GRIK1: variants seen among roughly 807,000 people sequenced by gnomAD.
The protein encoded by GRIK1 is glutamate ionotropic receptor kainate type subunit 1, also known as glutamate receptor ionotropic, kainate 1.
GRIK1 carries 69 observed loss-of-function variants against 105.7 expected under a neutral mutation model. That is an observed-to-expected ratio of 0.65 (90% confidence interval 0.54 to 0.80). The LOEUF (loss-of-function observed/expected upper bound fraction) is 0.80. Among genes scored for constraint, GRIK1 ranks in the 30% least tolerant of loss-of-function variants. The pLI, the probability that GRIK1 is intolerant of heterozygous loss-of-function variation, is 0.00. For missense variants in GRIK1, 1,109 were observed against 1,167.3 expected, an observed-to-expected ratio of 0.95 and a Z score of 0.73; for synonymous variants, 438 against 431.3, an observed-to-expected ratio of 1.02 and a Z score of -0.19.
chr21:29,726,909 T>G (rs2146881196), intron 1 of GRIK1, among the ~76,000 whole-genome samples: 1 of 151,574 alleles, frequency 6.6e-6, no homozygotes, highest in South Asian at 2.1e-4. Context: ...GGTCAATTTT[T>G]ATATTTATTT....
At chr21:29,861,633 C>T (rs753572995) in intron 1 of GRIK1, 8 of 441,620 alleles carry the variant, frequency 1.8e-5, no homozygotes, top group Admixed American at 1.5e-4. Context: ...AAACTCATTC[C>T]CTTCTTTTCC....
At chr21:29,670,639 A>G (rs1433850565) in intron 4 of GRIK1, among the ~76,000 whole-genome samples, 2 of 152,316 alleles carry the variant, frequency 1.3e-5, no homozygotes, top group East Asian at 3.9e-4. Context: ...TCAGCAAATC[A>G]TTCTCTTAAA....
intron 14 of GRIK1, among the ~76,000 whole-genome samples, chr21:29,572,832 G>A (rs2090785280): frequency 6.6e-6 from 1 of 151,890 alleles, no homozygotes; most frequent in Admixed American, 6.6e-5. Context: ...ATGCAATGGT[G>A]CGATCTCGGC....
At chr21:29,734,156 G>A (rs1012964196) in intron 1 of GRIK1, among the ~76,000 whole-genome samples, 4 of 151,936 alleles carry the variant, frequency 2.6e-5, no homozygotes, top group Non-Finnish European at 5.9e-5. Context: ...AATCTGAAGA[G>A]GCTTATAAAT....
chr21:29,750,974 G>A (rs1430020987), intron 1 of GRIK1, among the ~76,000 whole-genome samples: 1 of 152,156 alleles, frequency 6.6e-6, no homozygotes, highest in Non-Finnish European at 1.5e-5. Context: ...TAAGATTTGG[G>A]TGGATAGTGG....
chr21:29,758,445 G>T (rs1362351498), intron 1 of GRIK1, among the ~76,000 whole-genome samples: 1 of 152,118 alleles, frequency 6.6e-6, no homozygotes, highest in East Asian at 1.9e-4. Context: ...CAGCTCTTAT[G>T]AGACTTACTA....
chr21:29,562,998 T>C (rs892925686), intron 14 of GRIK1, among the ~76,000 whole-genome samples: 1 of 152,210 alleles, frequency 6.6e-6, no homozygotes, highest in African/African-American at 2.4e-5. Context: ...GTAATTTCCA[T>C]ACAGTTCCAA....
At chr21:29,864,456 A>G (rs1048488691) in intron 1 of GRIK1, among the ~76,000 whole-genome samples, 1 of 152,020 alleles carries the variant, frequency 6.6e-6, no homozygotes, top group Non-Finnish European at 1.5e-5. Context: ...TTTCCGTTTT[A>G]TTTGAATTTG....
chr21:29,689,591 A>G, intron 3 of GRIK1, 137 bp downstream of exon 3: 2 of 731,122 alleles, frequency 2.7e-6, no homozygotes, highest in Non-Finnish European at 4.8e-6. Flanking sequence ...TTATTAAATT[A>G]CTTCAGAATA....
At chr21:29,868,943 G>T (rs1199828375) in intron 1 of GRIK1, among the ~76,000 whole-genome samples, 1 of 152,256 alleles carries the variant, frequency 6.6e-6, no homozygotes, top group Admixed American at 6.5e-5. Flanking sequence ...GGTTTCCATG[G>T]TAAGTCCATA....
intron 1 of GRIK1, among the ~76,000 whole-genome samples, chr21:29,824,824 G>A (rs1276910376): frequency 1.3e-5 from 2 of 151,920 alleles, no homozygotes; most frequent in African/African-American, 2.4e-5. Context: ...ACAGCCGGTC[G>A]ACTTTAACAG....
chr21:29,738,128 G>T (rs111280967), intron 1 of GRIK1, among the ~76,000 whole-genome samples: 1 of 152,352 alleles, frequency 6.6e-6, no homozygotes, highest in South Asian at 2.1e-4. Context: ...ATGGAAGTGC[G>T]TTGCACTGGG....
chr21:29,906,379 T>C (rs1488085581), intron 1 of GRIK1, among the ~76,000 whole-genome samples: 2 of 152,304 alleles, frequency 1.3e-5, no homozygotes, highest in Admixed American at 6.5e-5. Flanking sequence ...AGGTACAATC[T>C]AAGAAACTTC....
intron 3 of GRIK1, among the ~76,000 whole-genome samples, chr21:29,687,865 A>T (rs1361372701): frequency 6.6e-6 from 1 of 152,198 alleles, no homozygotes; most frequent in Non-Finnish European, 1.5e-5. Context: ...ACGAGTTTCA[A>T]TATTATTCAT....
At chr21:29,775,064 A>G (rs1247437847) in intron 1 of GRIK1, among the ~76,000 whole-genome samples, 1 of 152,004 alleles carries the variant, frequency 6.6e-6, no homozygotes, top group Non-Finnish European at 1.5e-5. Flanking sequence ...CACGCCTGTA[A>G]TCCCAGCACT....
chr21:29,694,618 A>G lies in GRIK1; in HGVS notation c.119-555T>C, dbSNP rs186154592. ...CTGTATACCATCTCTCAGATGGCAA[A>G]TGTGTTCCAAACATTTAGTGGTATA... On this transcript the variant is annotated intron_variant, in intron 1 of 17. Coordinates refer to ENST00000327783, the MANE Select transcript of GRIK1 (RefSeq NM_001330994.2). Among the ~76,000 whole-genome samples, 209 of 152,312 alleles carry G rather than the reference A, an allele frequency of 1.4e-3. 2 individuals are homozygous for G. Among genetic ancestry groups the G allele is most frequent in the Non-Finnish European group, 3.1e-4 (21 of 68,030 alleles).
At chr21:29,579,600 G>C (rs954899101) in intron 13 of GRIK1, among the ~76,000 whole-genome samples, 4 of 152,102 alleles carry the variant, frequency 2.6e-5, no homozygotes, top group African/African-American at 9.7e-5. Flanking sequence ...GCTAACAAGA[G>C]AGAGCAACAG....
chr21:29,854,518 A>AC (rs1555899390), intron 1 of GRIK1, among the ~76,000 whole-genome samples: 6 of 151,928 alleles, frequency 3.9e-5, no homozygotes, highest in Middle Eastern at 3.4e-3. Context: ...AGAAAAAAAA[A>AC]CAAGAAATTA....
intron 1 of GRIK1, among the ~76,000 whole-genome samples, chr21:29,828,783 G>A (rs555451040): frequency 6.6e-6 from 1 of 152,216 alleles, no homozygotes; most frequent in Non-Finnish European, 1.5e-5. Context: ...TCAGGAATGA[G>A]GCATCACATC....
Sources: allele counts gnomAD v4.1 joint callset (sites outside exome capture counted in the v4.1 genomes callset), GRCh38; gene constraint gnomAD v4.1.1; transcripts MANE v1.5; gene names NCBI Gene and HGNC (gene_info 2026-07-23, HGNC 2026-07-21).